COA1: variants seen among roughly 807,000 people sequenced by gnomAD.
COA1 encodes cytochrome c oxidase assembly factor 1, also known as cytochrome c oxidase assembly factor 1 homolog.
COA1 carries 13 observed loss-of-function variants against 16.0 expected under a neutral mutation model. The observed-to-expected ratio is 0.81, with a 90% CI of 0.53 to 1.29. COA1 has a LOEUF of 1.29. COA1 is among the 50% of genes most tolerant of loss of function. The pLI is 0.00. For missense variants in COA1, 179 were observed against 177.0 expected, an observed-to-expected ratio of 1.01 and a Z score of -0.06; for synonymous variants, 65 against 65.7, an observed-to-expected ratio of 0.99 and a Z score of 0.05.
intron 1 of COA1, among the ~76,000 whole-genome samples, chr7:43,674,143 C>T (rs2093404019): frequency 1.3e-5 from 2 of 152,112 alleles, no homozygotes; most frequent in South Asian, 2.1e-4. Context: ...TACCCCTCAA[C>T]CTAAAAGTTA....
At chr7:43,729,185 T>C (rs2095687521) in intron 1 of COA1, among the ~76,000 whole-genome samples, 1 of 152,128 alleles carries the variant, frequency 6.6e-6, no homozygotes, top group African/African-American at 2.4e-5. Context: ...CAGGACAAGG[T>C]CAAGGTTAGC....
At chr7:43,705,013 G>A (rs1585235620) in intron 1 of COA1, among the ~76,000 whole-genome samples, 2 of 152,120 alleles carry the variant, frequency 1.3e-5, no homozygotes, top group African/African-American at 4.8e-5. Context: ...CTGAAAGTTT[G>A]ACTAATATTT....
At chr7:43,693,188 G>A (rs919478728) in intron 1 of COA1, among the ~76,000 whole-genome samples, 13 of 152,024 alleles carry the variant, frequency 8.6e-5, no homozygotes, top group Non-Finnish European at 1.5e-4. Context: ...AGGTGTTCTC[G>A]TTTCTCACTG....
At chr7:43,620,105 C>A (rs79659153) in intron 6 of COA1, among the ~76,000 whole-genome samples, 3,437 of 152,226 alleles carry the variant, frequency 0.023, 112 homozygotes, top group African/African-American at 0.076. Context: ...GTCTGAGGCT[C>A]CATAGAAGTG....
intron 2 of COA1, 51 bp from the exon 3 acceptor site, chr7:43,647,685 A>AG: frequency 6.8e-7 from 1 of 1,473,456 alleles, no homozygotes. Flanking sequence ...TTTTGTGCCA[A>AG]GGGGATTTGC....
chr7:43,608,595 A>C, exon 7 of COA1: 2 of 525,554 alleles, frequency 3.8e-6, no homozygotes, highest in South Asian at 3.1e-5. Context: ...GTACATGGAA[A>C]GATACAAAAT....
chr7:43,719,567 C>T (rs375525290), intron 1 of COA1, among the ~76,000 whole-genome samples: 21 of 152,328 alleles, frequency 1.4e-4, no homozygotes, highest in East Asian at 9.6e-4. Context: ...TAATCACTGT[C>T]GAGTTCTAAA....
Position 43,639,511 on chromosome 7 carries a change from C to CA in COA1, c.*70dup. 8.0e-7 allele frequency: 1 copy of CA among 1,257,486 alleles called. No homozygotes were observed. The highest frequency in any genetic ancestry group is 1.2e-6 in the Non-Finnish European group (1 of 861,480). The allele number at this position is 1,257,486 out of a possible 1,614,324, so 77.9% of individuals were successfully genotyped here. A position where few individuals can be genotyped will look rare whatever the true frequency, so the allele number is the denominator to read the frequency against. On this transcript the variant is annotated 3_prime_UTR_variant, in exon 6 of 6. Transcript: ENST00000223336. ...AGTGTCTGTCACTGAGATGGGCCAC[C>CA]ACCCCAGTGGCCATATGGTAGAGAT...
chr7:43,725,820 T>C (rs184049359), intron 1 of COA1, among the ~76,000 whole-genome samples: 2 of 151,308 alleles, frequency 1.3e-5, no homozygotes. Context: ...GATCGCACCA[T>C]TGCACTCCAG....
chr7:43,647,861 C>T, intron 2 of COA1: 1 of 535,896 alleles, frequency 1.9e-6, no homozygotes. Context: ...AGGACCCATG[C>T]TGTGGGGGCC....
At chr7:43,624,890 A>T (rs767557100) in intron 6 of COA1, 3 of 1,487,024 alleles carry the variant, frequency 2.0e-6, no homozygotes, top group South Asian at 2.7e-5. Flanking sequence ...GAAAATGTTA[A>T]TATTATTTAT....
At chr7:43,657,962 T>C (rs988255606) in intron 1 of COA1, among the ~76,000 whole-genome samples, 1 of 151,954 alleles carries the variant, frequency 6.6e-6, no homozygotes, top group African/African-American at 2.4e-5. Flanking sequence ...GAGGCGGAGG[T>C]TGCAGTGAGC....
intron 6 of COA1, among the ~76,000 whole-genome samples, chr7:43,629,596 A>C (rs865776812): frequency 1.3e-5 from 2 of 152,256 alleles, no homozygotes; most frequent in Middle Eastern, 6.8e-3. Context: ...TTAGCTCATC[A>C]TGCCTAACCA....
intron 1 of COA1, among the ~76,000 whole-genome samples, chr7:43,660,689 A>G (rs918859734): frequency 5.9e-5 from 9 of 152,118 alleles, no homozygotes; most frequent in African/African-American, 2.2e-4. Context: ...CCTCAAACCC[A>G]TACAATCTGT....
At chr7:43,640,891 C>G (rs1242364272) in intron 4 of COA1, 1 of 438,904 alleles carries the variant, frequency 2.3e-6, no homozygotes, top group African/African-American at 2.1e-5. Flanking sequence ...ACTCCTATGT[C>G]AATGCTCTGG....
At chr7:43,640,713 G>T in intron 4 of COA1, 64 bp from the exon 5 acceptor site, 2 of 1,219,206 alleles carry the variant, frequency 1.6e-6, no homozygotes, top group South Asian at 2.7e-5. Context: ...TTCAGAAGAT[G>T]ACAAAATGAT....
intron 6 of COA1, among the ~76,000 whole-genome samples, chr7:43,629,268 A>G (rs1227442459): frequency 6.6e-6 from 1 of 152,174 alleles, no homozygotes; most frequent in Non-Finnish European, 1.5e-5. Flanking sequence ...TTCTTCTGCA[A>G]ACTGCTTTGT....
At chr7:43,713,768 C>T (rs758836351) in intron 1 of COA1, among the ~76,000 whole-genome samples, 3 of 152,016 alleles carry the variant, frequency 2.0e-5, no homozygotes, top group Non-Finnish European at 4.4e-5. Flanking sequence ...GCTAGGTGCA[C>T]TGGCTCAGGC....
chr7:43,623,647 C>T, intron 6 of COA1: 1 of 1,607,546 alleles, frequency 6.2e-7, no homozygotes, highest in Non-Finnish European at 8.5e-7. Flanking sequence ...AAAAATTGAT[C>T]AAATTAGTTT....
Sources: allele counts gnomAD v4.1 joint callset (sites outside exome capture counted in the v4.1 genomes callset), GRCh38; gene constraint gnomAD v4.1.1; transcripts MANE v1.5; gene names NCBI Gene and HGNC (gene_info 2026-07-23, HGNC 2026-07-21).